Variants in DNAH11 observed in about 807,000 individuals in gnomAD.
DNAH11 encodes dynein axonemal heavy chain 11.
DNAH11 carries 442 observed loss-of-function variants against 526.0 expected under a neutral mutation model. That is an observed-to-expected ratio of 0.84 (90% CI 0.78 to 0.91). The LOEUF (loss-of-function observed/expected upper bound fraction) is 0.91, where lower values mean the gene tolerates loss of function less well. Ranked by LOEUF, DNAH11 falls within the 40% of genes least tolerant of loss-of-function variation. DNAH11 has a pLI of 0.00. For synonymous variants in DNAH11, 2,461 were observed against 1,935.9 expected (o/e 1.27, Z -7.12); for missense variants, 6,989 against 5,448.7 (o/e 1.28, Z -8.90).
At chr7:21,811,555 C>G (rs1319445137) in intron 63 of DNAH11, among the ~76,000 whole-genome samples, 1 of 151,866 alleles carries the variant, frequency 6.6e-6, no homozygotes, top group Non-Finnish European at 1.5e-5. Context: ...TGGTGGTTAC[C>G]AGGGGCTGGC....
At chr7:21,728,786 CA>C in intron 45 of DNAH11, among the ~76,000 whole-genome samples, 1 of 152,292 alleles carries the variant, frequency 6.6e-6, no homozygotes, top group South Asian at 2.1e-4. Flanking sequence ...CTTTCTATTC[CA>C]AAAGGGAGAA....
chr7:21,728,017 A>G (rs1785207525), intron 45 of DNAH11, among the ~76,000 whole-genome samples: 1 of 152,036 alleles, frequency 6.6e-6, no homozygotes, highest in Non-Finnish European at 1.5e-5. Flanking sequence ...CACCAGTCAC[A>G]TTGGATAAGG....
At chr7:21,650,749 C>T (rs550497118) in intron 28 of DNAH11, among the ~76,000 whole-genome samples, 116 of 151,712 alleles carry the variant, frequency 7.6e-4, no homozygotes, top group Non-Finnish European at 1.5e-3. Flanking sequence ...AAGCGATTCT[C>T]CTGCCTCAGC....
At chr7:21,744,071 G>T (rs1786037219) in intron 49 of DNAH11, among the ~76,000 whole-genome samples, 1 of 151,400 alleles carries the variant, frequency 6.6e-6, no homozygotes, top group African/African-American at 2.4e-5. Flanking sequence ...GATATCAAGT[G>T]ATTTTATAGT....
chr7:21,812,997 G>A (rs2014196), intron 63 of DNAH11, among the ~76,000 whole-genome samples: 93,771 of 151,960 alleles, frequency 0.62, 31,040 homozygotes, highest in East Asian at 0.89. Flanking sequence ...CTAAGATACT[G>A]AAGGGTATGG....
At chr7:21,615,041 A>G in intron 20 of DNAH11, 73 bp from the exon 21 acceptor site, 1 of 1,419,862 alleles carries the variant, frequency 7.0e-7, no homozygotes, top group Non-Finnish European at 9.5e-7. Context: ...TGTCGAGATA[A>G]CCAGAGCTAC....
chr7:21,877,930 A>G (rs1783781779), intron 74 of DNAH11, among the ~76,000 whole-genome samples: 1 of 150,798 alleles, frequency 6.6e-6, no homozygotes, highest in Non-Finnish European at 1.5e-5. Flanking sequence ...GTAAAGGAGT[A>G]CTCTTTTGGC....
At chr7:21,572,006 G>A (rs761731891) in intron 8 of DNAH11, 33 bp downstream of exon 8, 2 of 1,455,274 alleles carry the variant, frequency 1.4e-6, no homozygotes, top group Non-Finnish European at 1.8e-6. Flanking sequence ...TCATTGCATG[G>A]GATCCTATAA....
rs886038455 is a variant in DNAH11, at chr7:21,543,232, C to T, written c.-14C>T. 2 of 1,519,174 alleles carry T rather than the reference C, an allele frequency of 1.3e-6. No individual in the cohort carries two copies. The allele number at this position is 1,519,174 out of a possible 1,614,324, so 94.1% of individuals were successfully genotyped here. A position where few individuals can be genotyped will look rare whatever the true frequency, so the allele number is the denominator to read the frequency against. ...GGAGCCAGCCGGCCTCGCGTTCCCT[C>T]GGACGGTTGCCCAATGGCAGCCCAG... On this transcript the variant is annotated 5_prime_UTR_variant, in exon 1 of 82. Transcript: ENST00000409508.
intron 63 of DNAH11, among the ~76,000 whole-genome samples, chr7:21,809,193 A>T (rs1227640119): frequency 6.6e-6 from 1 of 152,174 alleles, no homozygotes; most frequent in African/African-American, 2.4e-5. Context: ...TCTGAGAAAA[A>T]TATCTATTCA....
chr7:21,598,337 C>G (rs1469097843), intron 14 of DNAH11, among the ~76,000 whole-genome samples: 1 of 152,130 alleles, frequency 6.6e-6, no homozygotes, highest in African/African-American at 2.4e-5. Flanking sequence ...GCCCACCTGA[C>G]CTTTTGAAAC....
rs190377498 is a variant in DNAH11, at chr7:21,574,468, A to G, written c.1593+2495A>G. ...GTTTCACTAAATTACCTGAGATTAT[A>G]GTTTCCAGTTGGTGGAATGGAAGTT... On this transcript the variant is annotated intron_variant, in intron 8 of 81. Transcript: ENST00000409508. 3.9e-4 allele frequency among the ~76,000 whole-genome samples: 60 copies of G among 152,128 alleles called. No individual in the cohort carries two copies. In the East Asian group the frequency reaches 9.7e-3, roughly 25 times the overall value.
At chr7:21,781,758 C>A (rs940749199) in intron 57 of DNAH11, among the ~76,000 whole-genome samples, 2 of 152,162 alleles carry the variant, frequency 1.3e-5, no homozygotes, top group Admixed American at 1.3e-4. Context: ...GACAAAAATA[C>A]CACATGGGGT....
At chr7:21,734,926 C>G (rs1441357838) in intron 45 of DNAH11, among the ~76,000 whole-genome samples, 4 of 151,956 alleles carry the variant, frequency 2.6e-5, no homozygotes, top group African/African-American at 9.7e-5. Flanking sequence ...AATCCCAGCA[C>G]TTTGGGAGCC....
intron 28 of DNAH11, among the ~76,000 whole-genome samples, chr7:21,651,333 T>G (rs1781761497): frequency 6.6e-6 from 1 of 152,102 alleles, no homozygotes; most frequent in Non-Finnish European, 1.5e-5. Flanking sequence ...TAAGCTGCCG[T>G]AATTTCATCT....
At chr7:21,584,734 T>G (rs1001168175) in intron 9 of DNAH11, among the ~76,000 whole-genome samples, 3 of 152,210 alleles carry the variant, frequency 2.0e-5, no homozygotes, top group Non-Finnish European at 2.9e-5. Flanking sequence ...ATACTGCCAC[T>G]ATTTTTTCTT....
chr7:21,690,743 A>G lies in DNAH11; in HGVS notation c.5925-22A>G, dbSNP rs751540463. 1.0e-5 allele frequency: 16 copies of G among 1,562,154 alleles called. No homozygotes were observed. In the African/African-American group the frequency reaches 1.9e-4, roughly 19 times the overall value. ...ATATTCAATGAACACATTTAATTTCATCAACATTCTTTTTATGGTAGATTT... is the reference window on the plus strand; with the variant it reads ...ATATTCAATGAACACATTTAATTTCGTCAACATTCTTTTTATGGTAGATTT... On this transcript the variant is annotated intron_variant, in intron 34 of 81. Transcript: ENST00000409508.
At chr7:21,789,984 C>T (rs1788404936) in intron 61 of DNAH11, among the ~76,000 whole-genome samples, 1 of 138,134 alleles carries the variant, frequency 7.2e-6, no homozygotes, top group African/African-American at 2.7e-5. Flanking sequence ...TAAATATGTG[C>T]CATGGTGGTT....
At chr7:21,799,311 G>C (rs1394981157) in intron 61 of DNAH11, among the ~76,000 whole-genome samples, 1 of 151,868 alleles carries the variant, frequency 6.6e-6, no homozygotes, top group East Asian at 1.9e-4. Flanking sequence ...ACCCAGAATA[G>C]ACCTGTAATA....
Sources: gnomAD v4.1 joint callset for allele counts (sites outside exome capture counted in the v4.1 genomes callset) on GRCh38, gnomAD v4.1.1 for gene constraint, MANE v1.5 for transcripts, NCBI Gene and HGNC (gene_info 2026-07-23, HGNC 2026-07-21) for gene names.